The following KIF13B variants were observed in gnomAD, a reference collection of about 807,000 sequenced individuals.
KIF13B encodes the protein kinesin-like protein KIF13B.
Under a neutral mutation model 222.0 loss-of-function variants are expected in KIF13B, and 127 were observed. The ratio of observed to expected loss-of-function variants is 0.57; its 90% CI spans 0.50 to 0.66. KIF13B has a LOEUF of 0.66. KIF13B is among the 30% of genes least tolerant of loss of function. The pLI, the probability that KIF13B is intolerant of heterozygous loss-of-function variation, is 0.00. For missense variants in KIF13B, 2,173 were observed against 2,379.0 expected, an observed-to-expected ratio of 0.91 and a Z score of 1.80; for synonymous variants, 976 against 919.0, an observed-to-expected ratio of 1.06 and a Z score of -1.12.
At chr8:29,191,703 T>C (rs1348988852) in intron 3 of KIF13B, among the ~76,000 whole-genome samples, 1 of 152,260 alleles carries the variant, frequency 6.6e-6, no homozygotes, top group Non-Finnish European at 1.5e-5. Context: ...TTTCACCTTA[T>C]CACCACTTTC....
chr8:29,126,978 GCAAGACA>G (rs1810140517), intron 25 of KIF13B, 137 bp downstream of exon 25: 2 of 791,412 alleles, frequency 2.5e-6, no homozygotes, highest in East Asian at 5.4e-5. Flanking sequence ...CCATGAAAAT[GCAAGACA>G]CAAAAAAAGA....
chr8:29,096,224 C>G (rs1038040080), intron 36 of KIF13B, among the ~76,000 whole-genome samples: 1 of 151,594 alleles, frequency 6.6e-6, no homozygotes, highest in African/African-American at 2.4e-5. Flanking sequence ...CTCAGGTGAT[C>G]CCCCCTGCCT....
At position 29,099,147 on chromosome 8, in the gene KIF13B, T is replaced by C. The variant is rs774718387; in HGVS notation, c.4310A>G (p.His1437Arg). The C allele has an allele frequency of 6.2e-6, 10 of 1,611,560 alleles. No individual in the cohort carries two copies. Among genetic ancestry groups the C allele is most frequent in the Non-Finnish European group, 8.5e-6 (10 of 1,177,780 alleles). ...AGATAACTTACCTGGATCTGGAGAATGGTTATTTTGGGGAGAAACAGAGAG... is the reference window on the plus strand; with the variant it reads ...AGATAACTTACCTGGATCTGGAGAACGGTTATTTTGGGGAGAAACAGAGAG... The part of the protein sequence containing the change: ...PALSVSPQNN[H>R]SPDPGLSNLA... Residue 1437 changes from histidine to arginine, a missense_variant, in exon 36 of 40, where the codon CAT (histidine) becomes CGT (arginine). Transcript: ENST00000524189.
At chr8:29,223,638 C>G (rs991888303) in intron 2 of KIF13B, among the ~76,000 whole-genome samples, 1 of 152,292 alleles carries the variant, frequency 6.6e-6, no homozygotes, top group Non-Finnish European at 1.5e-5. Flanking sequence ...GTGTATTCCT[C>G]TGGTTAATGT....
chr8:29,166,988 G>C (rs1408285102), intron 11 of KIF13B, among the ~76,000 whole-genome samples: 1 of 152,118 alleles, frequency 6.6e-6, no homozygotes, highest in Non-Finnish European at 1.5e-5. Flanking sequence ...ACTTCTACCA[G>C]GTAACAAATG....
chr8:29,131,983 A>C (rs1317391678), intron 23 of KIF13B, among the ~76,000 whole-genome samples: 1 of 152,226 alleles, frequency 6.6e-6, no homozygotes. Context: ...ATGGTGGCTC[A>C]CGCCTGTAAT....
At chr8:29,120,288 C>T (rs1809806071) in intron 29 of KIF13B, among the ~76,000 whole-genome samples, 1 of 115,254 alleles carries the variant, frequency 8.7e-6, no homozygotes. Flanking sequence ...ACTAACGTGT[C>T]ATCTAGCATT....
intron 37 of KIF13B, among the ~76,000 whole-genome samples, chr8:29,082,047 T>G (rs1807837457): frequency 6.6e-6 from 1 of 152,136 alleles, no homozygotes; most frequent in South Asian, 2.1e-4. Context: ...ACCTAAGATT[T>G]CATTTATTTA....
chr8:29,202,922 G>A (rs939490142), intron 2 of KIF13B, among the ~76,000 whole-genome samples: 4 of 151,826 alleles, frequency 2.6e-5, no homozygotes, highest in African/African-American at 9.7e-5. Context: ...GCTTGCTTAA[G>A]GCCCACCTAC....
At chr8:29,207,794 G>T (rs539449198) in intron 2 of KIF13B, among the ~76,000 whole-genome samples, 3 of 152,282 alleles carry the variant, frequency 2.0e-5, no homozygotes, top group African/African-American at 7.2e-5. Context: ...ACCAGAAGGG[G>T]TTGGCTCATC....
chr8:29,165,871 T>G, intron 11 of KIF13B, 99 bp from the exon 12 acceptor site: 1 of 794,492 alleles, frequency 1.3e-6, no homozygotes, highest in Non-Finnish European at 2.1e-6. Context: ...TGCCTCCTCA[T>G]GGCTGAATGT....
chr8:29,228,863 C>T lies in KIF13B; in HGVS notation c.149+16483G>A, dbSNP rs115935093. 2.5e-3 allele frequency among the ~76,000 whole-genome samples: 377 copies of T among 152,180 alleles called. 5 individuals carry two copies. The highest frequency in any genetic ancestry group is 8.6e-3 in the African/African-American group (357 of 41,532). On this transcript the variant is annotated intron_variant, in intron 2 of 39. Coordinates refer to ENST00000524189, the MANE Select transcript of KIF13B (RefSeq NM_015254.4). ...TCTAAACATAGAAGGTTGTTAATAT[C>T]TTGTTACAAATGACCAAAACGGCTT...
chr8:29,180,358 C>T, intron 7 of KIF13B, 120 bp from the exon 8 acceptor site: 1 of 1,008,434 alleles, frequency 9.9e-7, no homozygotes, highest in South Asian at 1.5e-5. Context: ...TTGGAGTTAA[C>T]ATTTTGTTTC....
At chr8:29,156,584 T>C (rs548353074) in intron 13 of KIF13B, among the ~76,000 whole-genome samples, 8 of 152,076 alleles carry the variant, frequency 5.3e-5, no homozygotes, top group Non-Finnish European at 1.0e-4. Flanking sequence ...ACACTATCCA[T>C]GCTCACTAAA....
rs1335092105 is a variant in KIF13B at position 29,118,861 on chromosome 8, T to C, written c.3660+7A>G. The C allele has an allele frequency of 6.2e-7, 1 of 1,613,480 alleles. No homozygotes were observed. The highest frequency in any genetic ancestry group is 8.5e-7 in the Non-Finnish European group (1 of 1,179,712). ...CATCTGACCATCCCAAGTTAGGCTT[T>C]CCTTACCTCCCCATCATGCTGCTTC... On this transcript the variant is annotated splice_region_variant and intron_variant, in intron 30 of 39. Transcript: ENST00000524189.
Position 29,070,467 on chromosome 8 carries a change from C to A in KIF13B, c.*37G>T. On this transcript the variant is annotated 3_prime_UTR_variant, in exon 40 of 40. Transcript: ENST00000524189. This position sits in a 1 kb window ranked among gnomAD's most constrained non-coding sequence, Gnocchi z 4.1. Reference sequence around the variant, plus strand: ...GTCACTGGCAGGGCTCAAAAGGGGCCGGGCACCCCCAGAAAAGTTCGCCCT... The same window carrying A: ...GTCACTGGCAGGGCTCAAAAGGGGCAGGGCACCCCCAGAAAAGTTCGCCCT... 1 of 1,601,448 alleles carries A rather than the reference C, an allele frequency of 6.2e-7. No homozygotes were observed. The highest frequency in any genetic ancestry group is 1.1e-5 in the South Asian group (1 of 89,284).
At chr8:29,168,147 G>A (rs548512041) in intron 10 of KIF13B, among the ~76,000 whole-genome samples, 4 of 152,192 alleles carry the variant, frequency 2.6e-5, no homozygotes, top group South Asian at 2.1e-4. Flanking sequence ...CATTTTCTTC[G>A]CTCTGATAGC....
intron 2 of KIF13B, among the ~76,000 whole-genome samples, chr8:29,229,479 T>G (rs1387399914): frequency 6.6e-6 from 1 of 152,206 alleles, no homozygotes; most frequent in African/African-American, 2.4e-5. Context: ...GAACTTATAC[T>G]CTTGCAAAGG....
At chr8:29,086,933 A>G (rs1478995591) in intron 37 of KIF13B, among the ~76,000 whole-genome samples, 1 of 152,212 alleles carries the variant, frequency 6.6e-6, no homozygotes, top group Non-Finnish European at 1.5e-5. Flanking sequence ...AAAGCACAAG[A>G]CTCAAAACAG....
Sources: gnomAD v4.1 joint callset for allele counts (sites outside exome capture counted in the v4.1 genomes callset) on GRCh38, gnomAD v4.1.1 for gene constraint, Gnocchi (gnomAD v3.1) non-coding constraint, MANE v1.5 for transcripts, NCBI Gene and HGNC (gene_info 2026-07-23, HGNC 2026-07-21) for gene names.